ULK4: variants seen among roughly 807,000 people sequenced by gnomAD.
ULK4 encodes the protein inactive serine/threonine-protein kinase ULK4.
ULK4 carries 133 observed loss-of-function variants against 160.6 expected under a neutral mutation model. The observed-to-expected ratio is 0.83, with a 90% CI of 0.72 to 0.96. The LOEUF (loss-of-function observed/expected upper bound fraction) is 0.96. Ranked by LOEUF, ULK4 falls within the 40% of genes least tolerant of loss-of-function variation. The pLI is 0.00. For synonymous variants in ULK4, 534 were observed against 539.8 expected (o/e 0.99, Z 0.15); for missense variants, 1,580 against 1,499.5 (o/e 1.05, Z -0.89).
chr3:41,872,356 CA>C (rs558429294), intron 17 of ULK4, among the ~76,000 whole-genome samples: 2 of 152,186 alleles, frequency 1.3e-5, no homozygotes, highest in Non-Finnish European at 2.9e-5. Context: ...CAAAGTTAGC[CA>C]ATGACTGTAA....
intron 33 of ULK4, among the ~76,000 whole-genome samples, chr3:41,458,618 T>C: frequency 6.6e-6 from 1 of 151,914 alleles, no homozygotes; most frequent in Middle Eastern, 3.2e-3. Context: ...AGGCCAGGTA[T>C]AATACAGTTC....
At chr3:41,520,646 C>G (rs543765004) in intron 32 of ULK4, among the ~76,000 whole-genome samples, 1 of 152,202 alleles carries the variant, frequency 6.6e-6, no homozygotes, top group South Asian at 2.1e-4. Flanking sequence ...CAATTTTCCA[C>G]AGCGGCTGAA....
intron 35 of ULK4, among the ~76,000 whole-genome samples, chr3:41,298,343 A>G (rs1038743013): frequency 6.6e-6 from 1 of 152,248 alleles, no homozygotes; most frequent in Non-Finnish European, 1.5e-5. Context: ...AAAGATAAAG[A>G]GTTTAGGGAT....
intron 35 of ULK4, among the ~76,000 whole-genome samples, chr3:41,279,262 A>AC (rs373989985): frequency 0.015 from 2,060 of 141,902 alleles, 35 homozygotes; most frequent in South Asian, 0.071. Context: ...GAGTAAAAAA[A>AC]AAAAAAAAAA....
intron 30 of ULK4, among the ~76,000 whole-genome samples, chr3:41,637,449 G>A (rs1016531662): frequency 1.3e-5 from 2 of 152,114 alleles, no homozygotes; most frequent in Non-Finnish European, 2.9e-5. Flanking sequence ...ATCTATTGAT[G>A]GACATAGGTT....
intron 31 of ULK4, among the ~76,000 whole-genome samples, chr3:41,570,141 A>T (rs575873792): frequency 3.3e-5 from 5 of 152,302 alleles, no homozygotes; most frequent in South Asian, 4.1e-4. Context: ...CTGCTTTCTC[A>T]GCAGATTTGT....
chr3:41,419,662 G>C (rs1292273614), intron 34 of ULK4, among the ~76,000 whole-genome samples: 1 of 152,028 alleles, frequency 6.6e-6, no homozygotes, highest in Admixed American at 6.6e-5. Context: ...TTTACTCTGG[G>C]GTACTATCTG....
chr3:41,639,626 G>A (rs1344567703), intron 30 of ULK4, among the ~76,000 whole-genome samples: 1 of 152,142 alleles, frequency 6.6e-6, no homozygotes, highest in Non-Finnish European at 1.5e-5. Context: ...TACTCGGGAG[G>A]CTGAGACAGG....
rs187784922 is a variant in ULK4 at position 41,702,301 on chromosome 3, C to T, written c.2781+2756G>A. On this transcript the variant is annotated intron_variant, in intron 27 of 36. Coordinates refer to ENST00000301831, the MANE Select transcript of ULK4 (RefSeq NM_017886.4). Reference sequence around the variant, plus strand: ...CTGGGATTACAGGCAAGTGCCACCACATCCAGCTAACTTTTGCATTTTTAG... The same window carrying T: ...CTGGGATTACAGGCAAGTGCCACCATATCCAGCTAACTTTTGCATTTTTAG... Among the ~76,000 whole-genome samples, 58 of 152,204 alleles carry T rather than the reference C, an allele frequency of 3.8e-4. No individual in the cohort carries two copies. The East Asian group carries it at 0.011, about 29-fold the overall frequency.
intron 27 of ULK4, among the ~76,000 whole-genome samples, chr3:41,689,785 GA>G: frequency 6.6e-6 from 1 of 152,070 alleles, no homozygotes; most frequent in Admixed American, 6.5e-5. Context: ...AAAAAGTCAG[GA>G]AACAACAGGT....
At chr3:41,687,674 C>A (rs187628907) in intron 27 of ULK4, among the ~76,000 whole-genome samples, 1 of 152,286 alleles carries the variant, frequency 6.6e-6, no homozygotes, top group East Asian at 1.9e-4. Flanking sequence ...TCTAGCCAAT[C>A]CCCATGTCTT....
intron 30 of ULK4, among the ~76,000 whole-genome samples, chr3:41,640,936 C>T (rs1366955424): frequency 2.6e-5 from 4 of 152,218 alleles, no homozygotes; most frequent in Non-Finnish European, 5.9e-5. Flanking sequence ...CTATTTCCCA[C>T]GTCTTCAATC....
intron 35 of ULK4, among the ~76,000 whole-genome samples, chr3:41,313,041 T>C (rs4973875): frequency 0.55 from 83,928 of 151,692 alleles, 25,058 homozygotes; most frequent in African/African-American, 0.8. Context: ...GAAACAGAAA[T>C]GAACACATGC....
chr3:41,894,345 G>A (rs1348963832), intron 16 of ULK4, among the ~76,000 whole-genome samples: 1 of 152,094 alleles, frequency 6.6e-6, no homozygotes, highest in African/African-American at 2.4e-5. Context: ...TTTACTTTGG[G>A]AGAGTAACAT....
chr3:41,664,404 T>A (rs2125764472), intron 29 of ULK4, among the ~76,000 whole-genome samples: 1 of 152,060 alleles, frequency 6.6e-6, no homozygotes, highest in Admixed American at 6.5e-5. Flanking sequence ...ATGTCCTCTG[T>A]CTTCCATGAG....
intron 33 of ULK4, among the ~76,000 whole-genome samples, chr3:41,459,684 G>A (rs995647911): frequency 3.9e-5 from 6 of 152,314 alleles, no homozygotes; most frequent in African/African-American, 1.4e-4. Context: ...GGATGGTGGG[G>A]ACGGGGTCTA....
intron 35 of ULK4, among the ~76,000 whole-genome samples, chr3:41,385,663 T>C (rs1262088416): frequency 6.6e-6 from 1 of 152,230 alleles, no homozygotes; most frequent in Non-Finnish European, 1.5e-5. Flanking sequence ...GTTATTCTGT[T>C]CTATTTCATT....
intron 33 of ULK4, among the ~76,000 whole-genome samples, chr3:41,458,320 T>A (rs1034019077): frequency 6.6e-6 from 1 of 152,222 alleles, no homozygotes; most frequent in African/African-American, 2.4e-5. Flanking sequence ...TGAATCATAT[T>A]CATCTTTACA....
At chr3:41,499,106 A>G (rs1284251161) in intron 32 of ULK4, among the ~76,000 whole-genome samples, 1 of 152,246 alleles carries the variant, frequency 6.6e-6, no homozygotes, top group Non-Finnish European at 1.5e-5. Flanking sequence ...ACTTATATGA[A>G]ATGTCTAGAA....
Sources: allele counts gnomAD v4.1 joint callset (sites outside exome capture counted in the v4.1 genomes callset), GRCh38; gene constraint gnomAD v4.1.1; transcripts MANE v1.5; gene names NCBI Gene and HGNC (gene_info 2026-07-23, HGNC 2026-07-21).